CNNM1: variants seen among roughly 807,000 people sequenced by gnomAD.
CNNM1 encodes the protein cyclin and CBS domain divalent metal cation transport mediator 1.
In CNNM1, 44 loss-of-function variants were observed where a neutral mutation model predicts 78.8. That is an observed-to-expected ratio of 0.56 (90% confidence interval 0.44 to 0.72). The LOEUF is 0.72. Among genes scored for constraint, CNNM1 ranks in the 30% least tolerant of loss-of-function variants. The pLI is 0.00. For synonymous variants in CNNM1, 584 were observed against 581.5 expected (o/e 1.00, Z -0.06); for missense variants, 1,101 against 1,292.2 (o/e 0.85, Z 2.27).
chr10:99,342,599 G>T (rs982894462), intron 1 of CNNM1, among the ~76,000 whole-genome samples: 1 of 152,088 alleles, frequency 6.6e-6, no homozygotes, highest in African/African-American at 2.4e-5. Flanking sequence ...GTTGCTGCAG[G>T]ATTGGTAGAA....
intron 6 of CNNM1, among the ~76,000 whole-genome samples, chr10:99,365,434 T>G (rs1021755712): frequency 3.3e-5 from 5 of 152,202 alleles, no homozygotes; most frequent in Non-Finnish European, 7.3e-5. Flanking sequence ...GACTGCAAGA[T>G]TTGGGGATGT....
chr10:99,346,093 A>G (rs1487790883), intron 1 of CNNM1, among the ~76,000 whole-genome samples: 1 of 152,220 alleles, frequency 6.6e-6, no homozygotes, highest in Non-Finnish European at 1.5e-5. Flanking sequence ...CTTTAATGCA[A>G]GGAAGAAGAG....
rs867713508 is a variant in CNNM1 at position 99,377,122 on chromosome 10, C to G, written c.2244C>G (p.Asp748Glu). 1 of 1,610,550 alleles carries G rather than the reference C, an allele frequency of 6.2e-7. No homozygotes were observed. The highest frequency in any genetic ancestry group is 8.5e-7 in the Non-Finnish European group (1 of 1,178,438). The change falls in exon 7 of 11, where the codon GAC (aspartate) becomes GAG (glutamate). Residue 748 changes from aspartate (D) to glutamate (E), a missense_variant. Transcript: ENST00000356713. ...RSESPNRERSDFGGSNTQLYS... is the reference protein window; with the variant it reads ...RSESPNRERSEFGGSNTQLYS... ...AGTCTCCAAACCGAGAGCGCAGTGA[C>G]TTTGGGGGCAGCAACACCCAGCTGT...
chr10:99,349,750 C>T (rs750628680), intron 1 of CNNM1, among the ~76,000 whole-genome samples: 7 of 152,304 alleles, frequency 4.6e-5, no homozygotes, highest in Non-Finnish European at 5.9e-5. Flanking sequence ...CCCGTAATCC[C>T]AGCACTTTGG....
Position 99,392,712 on chromosome 10 carries a change from C to T in CNNM1, c.*1196C>T, listed in dbSNP as rs1304140195. The T allele has an allele frequency of 6.6e-6, 1 of 152,178 alleles. No homozygotes were observed. The highest frequency in any genetic ancestry group is 1.5e-5 in the Non-Finnish European group (1 of 68,068). 9.4% of individuals were successfully genotyped at this position (152,178 alleles called of 1,614,324 possible). A position where few individuals can be genotyped will look rare whatever the true frequency, so the allele number is the denominator to read the frequency against. ...CAGTTCTGAAAAGCAACCGCAAAGC[C>T]GGGCGCGGTGGCTCACACCTGTAAT... On this transcript the variant is annotated 3_prime_UTR_variant, in exon 11 of 11. Transcript: ENST00000356713.
intron 7 of CNNM1, among the ~76,000 whole-genome samples, chr10:99,381,469 C>T (rs1166136110): frequency 2.7e-5 from 4 of 150,862 alleles, no homozygotes; most frequent in Admixed American, 6.6e-5. Flanking sequence ...AGGCCAGGCG[C>T]GGTGGCTCAC....
At chr10:99,375,111 T>C (rs1271209031) in intron 6 of CNNM1, among the ~76,000 whole-genome samples, 1 of 152,036 alleles carries the variant, frequency 6.6e-6, no homozygotes, top group African/African-American at 2.4e-5. Flanking sequence ...TAGTTAAGGA[T>C]GCCCAGGGAG....
intron 2 of CNNM1, 63 bp downstream of exon 2, chr10:99,357,718 A>G: frequency 6.9e-7 from 1 of 1,449,540 alleles, no homozygotes; most frequent in Non-Finnish European, 9.2e-7. Flanking sequence ...CTCTCAGGTA[A>G]AGCCTCATTT....
intron 7 of CNNM1, among the ~76,000 whole-genome samples, chr10:99,380,208 C>T (rs2032098735): frequency 6.6e-6 from 1 of 152,000 alleles, no homozygotes. Flanking sequence ...AAAGGCCCCA[C>T]CTGTTAATAC....
Position 99,334,365 on chromosome 10 carries a change from G to A in CNNM1, c.1573+3405G>A, listed in dbSNP as rs138303768. Among the ~76,000 whole-genome samples, 501 of 152,254 alleles carry A rather than the reference G, an allele frequency of 3.3e-3. 2 individuals are homozygous for A. The highest frequency in any genetic ancestry group is 0.011 in the African/African-American group (471 of 41,566). ...GCTTTCCTTTACCTTTAAAAATAAC[G>A]TTTTTGGCTGGGCGCAGTGGCTCAC... On this transcript the variant is annotated intron_variant, in intron 1 of 10. Transcript: ENST00000356713.
chr10:99,389,495 A>G (rs527729522), intron 9 of CNNM1, among the ~76,000 whole-genome samples: 67 of 152,178 alleles, frequency 4.4e-4, no homozygotes, highest in African/African-American at 1.5e-3. Flanking sequence ...AAAATCTGGG[A>G]CATACATAGT....
At chr10:99,375,832 A>G (rs1274999856) in intron 6 of CNNM1, among the ~76,000 whole-genome samples, 2 of 152,128 alleles carry the variant, frequency 1.3e-5, no homozygotes, top group Non-Finnish European at 1.5e-5. Context: ...CCTTTTTTGG[A>G]AGAAGCAGAA....
chr10:99,388,621 T>A (rs573424570), intron 9 of CNNM1, among the ~76,000 whole-genome samples: 1 of 152,356 alleles, frequency 6.6e-6, no homozygotes, highest in African/African-American at 2.4e-5. Context: ...CAGTTTTTTT[T>A]ATCTGAATGG....
intron 7 of CNNM1, among the ~76,000 whole-genome samples, chr10:99,387,324 C>CGTAG (rs1265728283): frequency 6.6e-6 from 1 of 152,140 alleles, no homozygotes; most frequent in Non-Finnish European, 1.5e-5. Context: ...GGAGCATGAC[C>CGTAG]CTACATCCAG....
In CNNM1 at chr10:99,329,420, G is replaced by T; in HGVS notation, c.33G>T (p.Val11=). The T allele has an allele frequency of 1.0e-6, 1 of 991,894 alleles. No individual in the cohort carries two copies. Among genetic ancestry groups the T allele is most frequent in the Non-Finnish European group, 1.4e-6 (1 of 700,058 alleles). The allele number at this position is 991,894 out of a possible 1,614,324, so 61.4% of individuals were successfully genotyped here. A position where few individuals can be genotyped will look rare whatever the true frequency, so the allele number is the denominator to read the frequency against. The change falls in exon 1 of 11, where the codon GTG becomes GTT. Residue 11 remains valine (V), a synonymous_variant. Transcript: ENST00000356713. ...CGGCCGCGGCGGCGGCAGCAGCGGT[G>T]GGTGTCAGGCTCCGGGACTGCTGCA... MAAAAAAAAA[V]GVRLRDCCSR...
At chr10:99,355,222 C>T (rs140779727) in intron 1 of CNNM1, among the ~76,000 whole-genome samples, 2 of 136,008 alleles carry the variant, frequency 1.5e-5, no homozygotes, top group East Asian at 2.1e-4. Flanking sequence ...GGGAATTGAA[C>T]AATGAGAACA....
intron 7 of CNNM1, among the ~76,000 whole-genome samples, chr10:99,379,140 G>A (rs3793929): frequency 0.82 from 124,683 of 152,214 alleles, 51,410 homozygotes; most frequent in Non-Finnish European, 0.87. Context: ...GTGATCTGTG[G>A]GGAAAGAAAT....
chr10:99,384,517 C>T (rs374454444), intron 7 of CNNM1, among the ~76,000 whole-genome samples: 2 of 151,792 alleles, frequency 1.3e-5, no homozygotes, highest in Non-Finnish European at 2.9e-5. Flanking sequence ...CATACACTGC[C>T]GTGCTTCTTC....
chr10:99,350,599 T>A (rs1034783544), intron 1 of CNNM1, among the ~76,000 whole-genome samples: 1 of 152,208 alleles, frequency 6.6e-6, no homozygotes, highest in African/African-American at 2.4e-5. Context: ...AAAATACAGT[T>A]GTGATGTTGC....
Sources: allele counts gnomAD v4.1 joint callset (sites outside exome capture counted in the v4.1 genomes callset), GRCh38; gene constraint gnomAD v4.1.1; transcripts MANE v1.5; gene names NCBI Gene and HGNC (gene_info 2026-07-23, HGNC 2026-07-21).